PLXNB3: variants seen among roughly 807,000 people sequenced by gnomAD.
PLXNB3 encodes the protein plexin-B3.
In PLXNB3, 80 loss-of-function variants were observed where a neutral mutation model predicts 125.7. The observed-to-expected ratio is 0.64, with a 90% CI of 0.53 to 0.77. The LOEUF is 0.77. Ranked by LOEUF, PLXNB3 falls within the 30% of genes least tolerant of loss-of-function variation. The probability of loss-of-function intolerance (pLI) is 0.00; values close to 1 mark genes in which losing one functional copy is unlikely to be tolerated. For missense variants in PLXNB3, 1,836 were observed against 1,729.3 expected, an observed-to-expected ratio of 1.06 and a Z score of -1.09; for synonymous variants, 954 against 783.3, an observed-to-expected ratio of 1.22 and a Z score of -3.64.
intron 2 of PLXNB3, chrX:153,765,802 C>T (rs782181421): frequency 1.6e-4 from 121 of 753,116 alleles, no homozygotes; most frequent in Non-Finnish European, 1.8e-4. Context: ...TGCCCTGAGT[C>T]GCAGCGGCCC....
intron 13 of PLXNB3, 24 bp from the exon 14 acceptor site, chrX:153,771,462 A>G: frequency 3.3e-6 from 4 of 1,209,046 alleles, no homozygotes; most frequent in African/African-American, 1.7e-5. Context: ...GGAGGCGCTC[A>G]GCACACTGCC....
Position 153,776,949 on chromosome X carries a change from G to C in PLXNB3, c.4896G>C (p.Gln1632His). The C allele has an allele frequency of 1.7e-6, 2 of 1,196,037 alleles. No homozygotes were observed. Among genetic ancestry groups the C allele is most frequent in the Non-Finnish European group, 2.3e-6 (2 of 885,926 alleles). Residue 1632 changes from glutamine to histidine, a missense_variant, in exon 29 of 36, where the codon CAG becomes CAC. Coordinates refer to ENST00000361971, the MANE Select transcript of PLXNB3 (RefSeq NM_005393.3). The stretch of plus-strand genomic sequence containing the variant: ...TGCACCGTGGCAGCACCATCTCCCA[G>C]AGCCTGGCCCAGAGGTGCCCCTTGG... ...PQLHRGSTIS[Q>H]SLAQRCPLGE...
Position 153,773,935 on chromosome X carries a change from C to G in PLXNB3, c.3356C>G (p.Pro1119Arg), listed in dbSNP as rs782391207. Residue 1119 changes from proline (P) to arginine (R), a missense_variant, in exon 20 of 36, where the codon CCG (proline) becomes CGG (arginine). Physicochemically the swap from Pro to Arg is moderately radical, Grantham distance 103. Transcript: ENST00000361971. Reference sequence around the variant, plus strand: ...CCTGCTGTACCAGACAGAGCCCACCCGCAGCGGGTCTTCTTCACCCTAGAC... The same window carrying G: ...CCTGCTGTACCAGACAGAGCCCACCGGCAGCGGGTCTTCTTCACCCTAGAC... ...RSPAVPDRAHPQRVFFTLDNV... is the reference protein window; with the variant it reads ...RSPAVPDRAHRQRVFFTLDNV... 1 of 1,210,991 alleles carries G rather than the reference C, an allele frequency of 8.3e-7. No individual in the cohort carries two copies.
At chrX:153,768,817 G>GGGC in intron 4 of PLXNB3, 131 bp from the exon 5 acceptor site, 2 of 746,256 alleles carry the variant, frequency 2.7e-6, no homozygotes, top group South Asian at 2.5e-5. Context: ...GAAGTGATGT[G>GGGC]TCCTCCCTCG....
At chrX:153,768,893 G>A (rs1789874605) in intron 4 of PLXNB3, 55 bp from the exon 5 acceptor site, 1 of 1,180,080 alleles carries the variant, frequency 8.5e-7, no homozygotes, top group African/African-American at 1.7e-5. Context: ...GCGTGTCCCT[G>A]GAACAGGCAA....
Position 153,775,998 on chromosome X carries a change from C to T in PLXNB3, c.4513C>T (p.Arg1505Cys), listed in dbSNP as rs1482580213. 4 of 1,208,277 alleles carry T rather than the reference C, an allele frequency of 3.3e-6. No homozygotes were observed. Among genetic ancestry groups the T allele is most frequent in the East Asian group, 5.9e-5 (2 of 33,683 alleles). The change falls in exon 27 of 36, where the codon CGC becomes TGC. Residue 1505 changes from arginine (R) to cysteine (C), a missense_variant. By Grantham distance (180) the Arg-to-Cys change is radical. Transcript: ENST00000361971. Reference sequence around the variant, plus strand: ...GGCCAAACGGACCCTGAATGATAGCCGCTTGCTGCGGGAGGACGTGGAGTT... The same window carrying T: ...GGCCAAACGGACCCTGAATGATAGCTGCTTGCTGCGGGAGGACGTGGAGTT... Reference protein sequence around the residue: ...GKAKRTLNDSRLLREDVEFQP... With the variant: ...GKAKRTLNDSCLLREDVEFQP...
intron 35 of PLXNB3, 117 bp from the exon 36 acceptor site, chrX:153,778,818 C>T (rs782251117): frequency 4.1e-5 from 45 of 1,109,706 alleles, no homozygotes; most frequent in Middle Eastern, 3.4e-4. Flanking sequence ...CCCAGGGAGA[C>T]GCCAGGCAGC....
At position 153,770,151 on chromosome X, in the gene PLXNB3, G is replaced by A. The variant is rs201004092; in HGVS notation, c.1689G>A (p.Ala563=). Residue 563 remains alanine, a synonymous_variant, in exon 8 of 36, where the codon GCG becomes GCA. Transcript: ENST00000361971. The stretch of plus-strand genomic sequence containing the variant: ...ATGCAGATGAATACTTCCATTGTGC[G>A]TTCGGGGACTATGACAGCTTGGCTC... ...ILDADEYFHC[A]FGDYDSLAHV... The A allele has an allele frequency of 9.4e-5, 114 of 1,210,067 alleles. No individual in the cohort carries two copies. Among genetic ancestry groups the A allele is most frequent in the Non-Finnish European group, 1.2e-4 (104 of 895,126 alleles).
rs2092021580 is a variant in PLXNB3 at position 153,778,535 on chromosome X, G to T, written c.5550+64G>T. The stretch of plus-strand genomic sequence containing the variant: ...GGTGGAAAGACTAGCAGAGCAGAGG[G>T]GGGAGACTTGGGGCTTGAGGACCAG... On this transcript the variant is annotated intron_variant, in intron 34 of 35. Coordinates refer to ENST00000361971, the MANE Select transcript of PLXNB3 (RefSeq NM_005393.3). 1.2e-5 allele frequency: 14 copies of T among 1,172,329 alleles called. No individual in the cohort carries two copies. In the Admixed American group the frequency reaches 2.3e-4, roughly 19 times the overall value.
chrX:153,771,265 G>T, intron 12 of PLXNB3, 45 bp from the exon 13 acceptor site: 1 of 1,057,759 alleles, frequency 9.5e-7, no homozygotes, highest in South Asian at 1.9e-5. Context: ...AGAGTCAGAG[G>T]TGCCCTGAGT....
chrX:153,772,105 G>A, intron 15 of PLXNB3, 77 bp from the exon 16 acceptor site: 3 of 1,144,230 alleles, frequency 2.6e-6, no homozygotes, highest in African/African-American at 3.6e-5. Context: ...GAAACCTGGG[G>A]CACTCGGGTC....
chrX:153,774,448 T>A lies in PLXNB3; in HGVS notation c.3707T>A (p.Leu1236Gln). 1 of 1,201,345 alleles carries A rather than the reference T, an allele frequency of 8.3e-7. No individual in the cohort carries two copies. The highest frequency in any genetic ancestry group is 1.1e-6 in the Non-Finnish European group (1 of 890,474). ...CAGATGGGCAATGTGCAGCTGGCCC[T>A]GGGCCCTGTGCAGTACGAGGCTGAA... The part of the protein sequence containing the change: ...VVQMGNVQLA[L>Q]GPVQYEAEPP... Residue 1236 changes from leucine (L) to glutamine (Q), a missense_variant, in exon 22 of 36, where the codon CTG becomes CAG. By Grantham distance (113) the Leu-to-Gln change is moderately radical (BLOSUM62 -2). Coordinates refer to ENST00000361971, the MANE Select transcript of PLXNB3 (RefSeq NM_005393.3).
Position 153,775,328 on chromosome X carries a change from C to G in PLXNB3, c.4259C>G (p.Thr1420Arg). ...LALHGKLEYL[T>R]DIMRTLLGDL... ...CTACACGGCAAGCTGGAGTACCTGA[C>G]GGACATCATGAGGACCCTGCTGGGT... Residue 1420 changes from threonine to arginine, a missense_variant, in exon 25 of 36, where the codon ACG becomes AGG. Coordinates refer to ENST00000361971, the MANE Select transcript of PLXNB3 (RefSeq NM_005393.3). The G allele has an allele frequency of 2.5e-6, 3 of 1,210,323 alleles. No homozygotes were observed. The highest frequency in any genetic ancestry group is 3.4e-6 in the Non-Finnish European group (3 of 894,883).
chrX:153,771,505 C>A lies in PLXNB3; in HGVS notation c.2367C>A (p.Ala789=). The A allele has an allele frequency of 8.3e-7, 1 of 1,205,553 alleles. No individual in the cohort carries two copies. The highest frequency in any genetic ancestry group is 1.1e-6 in the Non-Finnish European group (1 of 892,032). The change falls in exon 14 of 36, where the codon GCC becomes GCA. Residue 789 remains alanine (A), a synonymous_variant. Transcript: ENST00000361971. ...HALYVILYDC[A]MGHPDCSHCQ... Reference sequence around the variant, plus strand: ...CCCTAGTGATCCTGTACGACTGCGCCATGGGCCACCCGGACTGCAGCCACT... The same window carrying A: ...CCCTAGTGATCCTGTACGACTGCGCAATGGGCCACCCGGACTGCAGCCACT...
chrX:153,775,430 G>A (rs781847287), intron 25 of PLXNB3, 27 bp downstream of exon 25: 83 of 1,191,134 alleles, frequency 7.0e-5, no homozygotes, highest in African/African-American at 1.2e-4. Flanking sequence ...ACCCGGTGGC[G>A]GGGGTGAGGG....
At chrX:153,778,531 GA>G in intron 34 of PLXNB3, 60 bp downstream of exon 34, 1 of 1,182,069 alleles carries the variant, frequency 8.5e-7, no homozygotes, top group Non-Finnish European at 1.1e-6. Context: ...TAGCAGAGCA[GA>G]GGGGGGAGAC....
intron 7 of PLXNB3, 64 bp from the exon 8 acceptor site, chrX:153,770,028 C>T (rs2091909043): frequency 8.4e-7 from 1 of 1,191,805 alleles, no homozygotes; most frequent in Admixed American, 2.2e-5. Context: ...TCCTTCCTCT[C>T]CCATGGCCTC....
In PLXNB3 at chrX:153,767,667, C is replaced by T. The variant is rs2091873892; in HGVS notation, c.840C>T (p.Pro280=). The T allele has an allele frequency of 5.0e-6, 6 of 1,190,948 alleles. No individual in the cohort carries two copies. The highest frequency in any genetic ancestry group is 5.6e-6 in the Non-Finnish European group (5 of 884,995). Residue 280 remains proline, a synonymous_variant, in exon 3 of 36, where the codon CCC becomes CCT. Transcript: ENST00000361971. ...ACCTGTACTCCTACGTGGAGGTCCC[C>T]CTCGCCTGCCAGGGCCAGGGCCTCA... The part of the protein sequence containing the change: ...DTNLYSYVEV[P]LACQGQGLIQ...
Position 153,774,342 on chromosome X carries a change from G to A in PLXNB3, c.3676G>A (p.Val1226Met), listed in dbSNP as rs781980952. 1.5e-5 allele frequency: 17 copies of A among 1,158,592 alleles called. No homozygotes were observed. Among genetic ancestry groups the A allele is most frequent in the East Asian group, 6.4e-5 (2 of 31,294 alleles). ...CAATGGCTCCGGCCTGCCACAGTTCGTGGTGAGTCCGTGCCCTGGGTGGGC... is the reference window on the plus strand; with the variant it reads ...CAATGGCTCCGGCCTGCCACAGTTCATGGTGAGTCCGTGCCCTGGGTGGGC... ...PANGSGLPQF[V>M]VQMGNVQLAL... The change falls in exon 21 of 36, where the codon GTG becomes ATG. Residue 1226 changes from valine to methionine, a missense_variant and splice_region_variant. Transcript: ENST00000361971.
Sources: allele counts gnomAD v4.1 joint callset, GRCh38; gene constraint gnomAD v4.1.1; transcripts MANE v1.5; gene names NCBI Gene and HGNC (gene_info 2026-07-23, HGNC 2026-07-21).